Variants in HERPUD2 observed in about 807,000 individuals in gnomAD.
The protein encoded by HERPUD2 is homocysteine-responsive endoplasmic reticulum-resident ubiquitin-like domain member 2 protein.
HERPUD2 carries 13 observed loss-of-function variants against 49.9 expected under a neutral mutation model. That is an observed-to-expected ratio of 0.26 (90% CI 0.17 to 0.41). The LOEUF (loss-of-function observed/expected upper bound fraction) is 0.41, where lower values mean the gene tolerates loss of function less well. Ranked by LOEUF, HERPUD2 falls within the 10% of genes least tolerant of loss-of-function variation. HERPUD2 has a pLI of 1.00. For missense variants in HERPUD2, 449 were observed against 492.2 expected, an observed-to-expected ratio of 0.91 and a Z score of 0.83; for synonymous variants, 172 against 171.4, an observed-to-expected ratio of 1.00 and a Z score of -0.03.
rs3999932 is a variant in HERPUD2, at chr7:35,674,404, TAGAG to T, written c.148-1130_148-1127del. Among the ~76,000 whole-genome samples, 350 of 37,894 alleles carry T rather than the reference TAGAG, an allele frequency of 9.2e-3. 1 individual carries two copies. The highest frequency in any genetic ancestry group is 0.014 in the East Asian group (15 of 1,092). 24.9% of individuals were successfully genotyped at this position (37,894 alleles called of 152,430 possible). ...CTATATATATATATATATATATATATAGAGAGAGAGAGAGAGAGAGAGAGAGAGA... is the reference window on the plus strand; with the variant it reads ...CTATATATATATATATATATATATATAGAGAGAGAGAGAGAGAGAGAGAGA... On this transcript the variant is annotated intron_variant, in intron 2 of 8. Transcript: ENST00000311350.
chr7:35,635,599 T>C, intron 6 of HERPUD2, 141 bp from the exon 7 acceptor site: 1 of 701,052 alleles, frequency 1.4e-6, no homozygotes, highest in Non-Finnish European at 2.3e-6. Context: ...ATTTCTTAGG[T>C]AAGCACAAAT....
chr7:35,677,307 C>A (rs1326146769), intron 2 of HERPUD2, among the ~76,000 whole-genome samples: 1 of 152,150 alleles, frequency 6.6e-6, no homozygotes, highest in Non-Finnish European at 1.5e-5. Flanking sequence ...AAAATATTTT[C>A]CCCATTCTTT....
intron 2 of HERPUD2, among the ~76,000 whole-genome samples, chr7:35,674,295 C>A (rs1305750909): frequency 2.0e-5 from 3 of 149,490 alleles, no homozygotes; most frequent in Non-Finnish European, 4.4e-5. Context: ...TGGAGTGTGC[C>A]ATTCCTCAAA....
chr7:35,682,231 A>C lies in HERPUD2; in HGVS notation c.148-8953T>G, dbSNP rs112728106. 3.5e-3 allele frequency among the ~76,000 whole-genome samples: 441 copies of C among 124,796 alleles called. 6 individuals are homozygous for C. The highest frequency in any genetic ancestry group is 0.013 in the African/African-American group (388 of 30,218). The allele number at this position is 124,796 out of a possible 152,430, so 81.9% of individuals were successfully genotyped here. A position where few individuals can be genotyped will look rare whatever the true frequency, so the allele number is the denominator to read the frequency against. On this transcript the variant is annotated intron_variant, in intron 2 of 8. Transcript: ENST00000311350. ...TTTTTGTGTGTGTGTGTGTATATAT[A>C]GATATATACACATACACACGTGTGT...
chr7:35,650,799 C>T (rs1271966280), intron 5 of HERPUD2, among the ~76,000 whole-genome samples: 1 of 152,180 alleles, frequency 6.6e-6, no homozygotes, highest in Non-Finnish European at 1.5e-5. Flanking sequence ...CTCCCAGTAA[C>T]AGGCTGCAGT....
intron 2 of HERPUD2, among the ~76,000 whole-genome samples, chr7:35,682,574 A>C (rs1785938287): frequency 6.6e-6 from 1 of 151,542 alleles, no homozygotes; most frequent in Admixed American, 6.6e-5. Flanking sequence ...GACCAATCAG[A>C]CAAGAGAAAG....
chr7:35,665,823 C>G (rs1785526164), intron 5 of HERPUD2, among the ~76,000 whole-genome samples: 1 of 152,084 alleles, frequency 6.6e-6, no homozygotes, highest in Non-Finnish European at 1.5e-5. Flanking sequence ...TCTCAATAGC[C>G]TAGTTTAGAG....
intron 2 of HERPUD2, among the ~76,000 whole-genome samples, chr7:35,687,422 C>G (rs1234610750): frequency 6.6e-6 from 1 of 152,180 alleles, no homozygotes; most frequent in Non-Finnish European, 1.5e-5. Context: ...ATACTTCACC[C>G]TAAATGAAGC....
At position 35,633,394 on chromosome 7, in the gene HERPUD2, A is replaced by C. The variant is rs753371035; in HGVS notation, c.*296T>G. 1.6e-4 allele frequency: 27 copies of C among 173,426 alleles called. No homozygotes were observed. The highest frequency in any genetic ancestry group is 6.3e-4 in the Admixed American group (10 of 15,952). 10.7% of individuals were successfully genotyped at this position (173,426 alleles called of 1,614,324 possible). On this transcript the variant is annotated 3_prime_UTR_variant, in exon 9 of 9. Transcript: ENST00000311350. ...AATGAAGCAGCTCTTTAAAGAAATAAGACATGAAAATAGGTCTGTCCTGGT... is the reference window on the plus strand; with the variant it reads ...AATGAAGCAGCTCTTTAAAGAAATACGACATGAAAATAGGTCTGTCCTGGT...
rs1379125233 is a variant in HERPUD2 at position 35,635,187 on chromosome 7, A to G, written c.889T>C (p.Ser297Pro). Residue 297 changes from serine to proline, a missense_variant, in exon 7 of 9, where the codon TCT (serine) becomes CCT (proline). Physicochemically the swap from Ser to Pro is moderately conservative, Grantham distance 74 (BLOSUM62 -1). Coordinates refer to ENST00000311350, the MANE Select transcript of HERPUD2 (RefSeq NM_022373.5). The stretch of plus-strand genomic sequence containing the variant: ...ACCATGATAAACCGACTAAAAGAAG[A>G]ATAGAAGTATACAATGCTAAGGAGA... ...AILLSIVYFYSSFSRFIMVMG... is the reference protein window; with the variant it reads ...AILLSIVYFYPSFSRFIMVMG... 1 of 1,614,194 alleles carries G rather than the reference A, an allele frequency of 6.2e-7. No individual in the cohort carries two copies. The highest frequency in any genetic ancestry group is 1.1e-5 in the South Asian group (1 of 91,086).
intron 5 of HERPUD2, among the ~76,000 whole-genome samples, chr7:35,653,595 G>T (rs1172104470): frequency 6.6e-6 from 1 of 151,226 alleles, no homozygotes; most frequent in Non-Finnish European, 1.5e-5. Flanking sequence ...CATCCAACAG[G>T]TATAGAATAC....
chr7:35,679,951 A>G (rs1456011015), intron 2 of HERPUD2, among the ~76,000 whole-genome samples: 1 of 152,138 alleles, frequency 6.6e-6, no homozygotes, highest in African/African-American at 2.4e-5. Context: ...CAAATCCTAT[A>G]GACTCTATCT....
chr7:35,633,614 T>A lies in HERPUD2; in HGVS notation c.*76A>T. 8 of 1,326,272 alleles carry A rather than the reference T, an allele frequency of 6.0e-6. No homozygotes were observed. Among genetic ancestry groups the A allele is most frequent in the Non-Finnish European group, 8.3e-6 (8 of 963,202 alleles). 82.2% of individuals were successfully genotyped at this position (1,326,272 alleles called of 1,614,324 possible). A position where few individuals can be genotyped will look rare whatever the true frequency, so the allele number is the denominator to read the frequency against. On this transcript the variant is annotated 3_prime_UTR_variant, in exon 9 of 9. Coordinates refer to ENST00000311350, the MANE Select transcript of HERPUD2 (RefSeq NM_022373.5). ...TGATGATCAAAAGAAAGTTATAAAT[T>A]TTTTTGAAATTGCACTGTTATTTAA...
Position 35,682,274 on chromosome 7 carries a change from TATACACATACACAC to T in HERPUD2, c.148-9010_148-8997del, listed in dbSNP as rs1393297389. ...ACGTGTGTGTGTGTATATATAGATA[TATACACATACACAC>T]GTGTGTGTGTGTATATATAGATATA... On this transcript the variant is annotated intron_variant, in intron 2 of 8. Coordinates refer to ENST00000311350, the MANE Select transcript of HERPUD2 (RefSeq NM_022373.5). Among the ~76,000 whole-genome samples the T allele has an allele frequency of 6.1e-4, 27 of 44,334 alleles. 5 individuals are homozygous for T. Among genetic ancestry groups the T allele is most frequent in the Middle Eastern group, 0.011 (1 of 88 alleles). The allele number at this position is 44,334 out of a possible 152,430, so 29.1% of individuals were successfully genotyped here. A position where few individuals can be genotyped will look rare whatever the true frequency, so the allele number is the denominator to read the frequency against.
intron 2 of HERPUD2, among the ~76,000 whole-genome samples, chr7:35,682,355 GTGTATATATATA>G (rs1238644550): frequency 3.3e-4 from 10 of 30,376 alleles, no homozygotes; most frequent in Admixed American, 1.4e-3. Flanking sequence ...GTGTGTGTGT[GTGTATATATATA>G]TATATATATA....
At chr7:35,651,497 T>A (rs981377034) in intron 5 of HERPUD2, among the ~76,000 whole-genome samples, 4 of 151,798 alleles carry the variant, frequency 2.6e-5, no homozygotes, top group African/African-American at 9.7e-5. Flanking sequence ...ACAAAATTCA[T>A]ACAGAGACTA....
intron 2 of HERPUD2, among the ~76,000 whole-genome samples, chr7:35,682,609 AAGAGG>A (rs1785939489): frequency 6.6e-6 from 1 of 151,724 alleles, no homozygotes; most frequent in Non-Finnish European, 1.5e-5. Flanking sequence ...CAAATCGGTA[AAGAGG>A]AAGTCGAACT....
In HERPUD2 at chr7:35,639,285, T is replaced by TG. The variant is rs548800149; in HGVS notation, c.495-814dup. ...CTGACCTCAGGTGATCCGCCCGCCT[T>TG]GGACTCCCAGAGTGGCAGGATTACA... is the stretch of plus-strand genomic sequence containing the variant. On this transcript the variant is annotated intron_variant, in intron 5 of 8. Transcript: ENST00000311350. Among the ~76,000 whole-genome samples, 20 of 152,210 alleles carry TG rather than the reference T, an allele frequency of 1.3e-4. No individual in the cohort carries two copies. The South Asian group carries it at 4.2e-3, about 32-fold the overall frequency.
chr7:35,692,997 A>G (rs1289797678), intron 2 of HERPUD2, among the ~76,000 whole-genome samples: 1 of 152,242 alleles, frequency 6.6e-6, no homozygotes, highest in African/African-American at 2.4e-5. Context: ...AAGTTTTAGT[A>G]ATTAAACACT....
Sources: allele counts gnomAD v4.1 joint callset (sites outside exome capture counted in the v4.1 genomes callset), GRCh38; gene constraint gnomAD v4.1.1; transcripts MANE v1.5; gene names NCBI Gene and HGNC (gene_info 2026-07-23, HGNC 2026-07-21).